The following COBL variants were observed in gnomAD, a reference collection of about 807,000 sequenced individuals.
COBL encodes protein cordon-bleu.
COBL carries 51 observed loss-of-function variants against 98.8 expected under a neutral mutation model. The observed-to-expected ratio is 0.52, with a 90% CI of 0.41 to 0.65. The LOEUF is 0.65. COBL is among the 30% of genes least tolerant of loss of function. The pLI, the probability that COBL is intolerant of heterozygous loss-of-function variation, is 0.00. For synonymous variants in COBL, 634 were observed against 651.7 expected (o/e 0.97, Z 0.41); for missense variants, 1,617 against 1,617.5 (o/e 1.00, Z 0.01).
chr7:51,080,027 A>C lies in COBL; in HGVS notation c.1096+5139T>G, dbSNP rs1237142713. On this transcript the variant is annotated intron_variant, in intron 7 of 12. Coordinates refer to ENST00000265136, the MANE Select transcript of COBL (RefSeq NM_015198.5). ...GAGTGAGGGCTTTGTGCTTGGGCTGAGTTCCAGGCAGGCTGGCAGGAGGCT... is the reference window on the plus strand; with the variant it reads ...GAGTGAGGGCTTTGTGCTTGGGCTGCGTTCCAGGCAGGCTGGCAGGAGGCT... Among the ~76,000 whole-genome samples, 6 of 152,302 alleles carry C rather than the reference A, an allele frequency of 3.9e-5. No individual in the cohort carries two copies. In the South Asian group the frequency reaches 8.3e-4, roughly 21 times the overall value.
intron 8 of COBL, chr7:51,035,848 G>A (rs1243507804): frequency 6.6e-6 from 1 of 152,172 alleles, no homozygotes; most frequent in African/African-American, 2.4e-5. Context: ...GGTCTCACAT[G>A]TGTTTTAAAC....
chr7:51,242,375 T>G lies in COBL; in HGVS notation c.42-22431A>C, dbSNP rs115366127. Among the ~76,000 whole-genome samples the G allele has an allele frequency of 1.7e-3, 260 of 152,364 alleles. 1 individual carries two copies. The highest frequency in any genetic ancestry group is 6.1e-3 in the African/African-American group (252 of 41,584). Reference sequence around the variant, plus strand: ...AACCCTGTGGAATGTACTTTGATTTTTGATAAATCTCTGCTTTCATTGCTT... The same window carrying G: ...AACCCTGTGGAATGTACTTTGATTTGTGATAAATCTCTGCTTTCATTGCTT... On this transcript the variant is annotated intron_variant, in intron 1 of 12. Coordinates refer to ENST00000265136, the MANE Select transcript of COBL (RefSeq NM_015198.5).
At chr7:51,232,438 A>C (rs983581454) in intron 1 of COBL, among the ~76,000 whole-genome samples, 4 of 152,112 alleles carry the variant, frequency 2.6e-5, no homozygotes, top group Non-Finnish European at 4.4e-5. Flanking sequence ...TGACCGAGAA[A>C]GCAGAGCCAT....
At chr7:51,233,430 A>G (rs946656031) in intron 1 of COBL, among the ~76,000 whole-genome samples, 29 of 152,164 alleles carry the variant, frequency 1.9e-4, no homozygotes, top group East Asian at 1.9e-4. Context: ...GTGGGGGGAA[A>G]AAAAAGGAGC....
At chr7:51,088,024 G>A (rs565081990) in intron 6 of COBL, among the ~76,000 whole-genome samples, 14 of 151,574 alleles carry the variant, frequency 9.2e-5, no homozygotes, top group African/African-American at 1.9e-4. Flanking sequence ...TGAGACACCC[G>A]GATCCAGAGT....
intron 5 of COBL, among the ~76,000 whole-genome samples, chr7:51,178,190 A>G (rs1788596112): frequency 1.3e-5 from 2 of 152,016 alleles, no homozygotes; most frequent in African/African-American, 4.8e-5. Context: ...CTATATATAT[A>G]TATATACATG....
At chr7:51,018,658 C>G (rs1786544653) in intron 12 of COBL, among the ~76,000 whole-genome samples, 2 of 151,482 alleles carry the variant, frequency 1.3e-5, no homozygotes, top group African/African-American at 4.8e-5. Flanking sequence ...TTTGGGAGGC[C>G]AAGGCGGGCA....
chr7:51,138,576 C>T (rs1799449823), intron 5 of COBL, among the ~76,000 whole-genome samples: 1 of 152,200 alleles, frequency 6.6e-6, no homozygotes, highest in African/African-American at 2.4e-5. Flanking sequence ...TAGCATATGG[C>T]CAGAGCATGG....
intron 6 of COBL, among the ~76,000 whole-genome samples, chr7:51,107,405 G>T (rs1796410260): frequency 1.3e-5 from 2 of 151,964 alleles, no homozygotes; most frequent in Admixed American, 1.3e-4. Flanking sequence ...TTTAAATAGA[G>T]GTTTTAACAT....
intron 1 of COBL, among the ~76,000 whole-genome samples, chr7:51,232,190 C>G (rs1794814596): frequency 6.6e-6 from 1 of 152,150 alleles, no homozygotes; most frequent in Admixed American, 6.5e-5. Flanking sequence ...TTCTACAAAC[C>G]ACTACACATG....
At chr7:51,227,850 G>A (rs1224867489) in intron 1 of COBL, among the ~76,000 whole-genome samples, 1 of 152,130 alleles carries the variant, frequency 6.6e-6, no homozygotes, top group African/African-American at 2.4e-5. Flanking sequence ...TTTCCCCACT[G>A]TCTTGGCCCC....
chr7:51,051,554 CT>C (rs1333100460), intron 7 of COBL, among the ~76,000 whole-genome samples: 24 of 152,198 alleles, frequency 1.6e-4, no homozygotes, highest in Admixed American at 1.6e-3. Context: ...TGTTGTCCTT[CT>C]TTCATGCATT....
chr7:51,149,076 G>A (rs1247292364), intron 5 of COBL, among the ~76,000 whole-genome samples: 2 of 152,136 alleles, frequency 1.3e-5, no homozygotes, highest in Non-Finnish European at 1.5e-5. Context: ...CCCCAAGCCC[G>A]AAGGGGCATT....
At chr7:51,240,226 A>G (rs1795661675) in intron 1 of COBL, among the ~76,000 whole-genome samples, 5 of 152,214 alleles carry the variant, frequency 3.3e-5, no homozygotes. Flanking sequence ...GATCACACTC[A>G]CAAGTGGTCC....
intron 1 of COBL, among the ~76,000 whole-genome samples, chr7:51,273,082 A>C (rs1389632855): frequency 1.3e-5 from 2 of 152,172 alleles, no homozygotes; most frequent in East Asian, 3.9e-4. Context: ...TAATCCCAGC[A>C]CTTTGGGAGG....
intron 12 of COBL, among the ~76,000 whole-genome samples, chr7:51,019,698 C>T (rs1177664072): frequency 4.6e-5 from 7 of 152,146 alleles, no homozygotes; most frequent in Non-Finnish European, 7.3e-5. Context: ...AACAGTCACA[C>T]GCAAAGAGTC....
chr7:51,235,411 T>C (rs1795162856), intron 1 of COBL, among the ~76,000 whole-genome samples: 1 of 152,202 alleles, frequency 6.6e-6, no homozygotes. Context: ...GCAGCTGCCC[T>C]GCATCTCTTC....
intron 2 of COBL, among the ~76,000 whole-genome samples, chr7:51,207,946 A>G (rs897542600): frequency 2.0e-5 from 3 of 146,806 alleles, no homozygotes; most frequent in African/African-American, 7.7e-5. Context: ...GAAAGTGAGG[A>G]GCGTCTCTGC....
rs150541791 is a variant in COBL, at chr7:51,028,056, G to A, written c.3040C>T (p.Arg1014Cys). The A allele has an allele frequency of 9.9e-6, 16 of 1,611,774 alleles. No homozygotes were observed. The highest frequency in any genetic ancestry group is 6.7e-5 in the African/African-American group (5 of 74,924). The change falls in exon 10 of 13, where the codon CGC becomes TGC. Residue 1014 changes from arginine to cysteine, a missense_variant. Arg to Cys is a radical substitution (Grantham distance 180). This residue lies in a region of COBL where 1,304 missense variants were observed against 1,282.0 expected (regional missense o/e 1.02). Coordinates refer to ENST00000265136, the MANE Select transcript of COBL (RefSeq NM_015198.5). ...GGTGGGTCTGTACCATCAGGTGCGCGTCTGGGCTCAGATGCTGAGCTGGCC... is the reference window on the plus strand; with the variant it reads ...GGTGGGTCTGTACCATCAGGTGCGCATCTGGGCTCAGATGCTGAGCTGGCC... ...QEASSASEPR[R>C]APDGTDPPPP...
Sources: allele counts gnomAD v4.1 joint callset (sites outside exome capture counted in the v4.1 genomes callset), GRCh38; gene constraint gnomAD v4.1.1; regional missense constraint gnomAD v4.1.1; transcripts MANE v1.5; gene names NCBI Gene and HGNC (gene_info 2026-07-23, HGNC 2026-07-21).